The following CNTNAP5 variants were observed in gnomAD, a reference collection of about 807,000 sequenced individuals.
The protein encoded by CNTNAP5 is contactin-associated protein-like 5.
In CNTNAP5, 72 loss-of-function variants were observed where a neutral mutation model predicts 150.2. The observed-to-expected ratio is 0.48, with a 90% CI of 0.40 to 0.58. The LOEUF is 0.58. Among genes scored for constraint, CNTNAP5 ranks in the 20% least tolerant of loss-of-function variants. The pLI is 0.00. For synonymous variants in CNTNAP5, 672 were observed against 619.8 expected (o/e 1.08, Z -1.25); for missense variants, 1,636 against 1,626.2 (o/e 1.01, Z -0.10).
chr2:124,447,675 G>C (rs911287005), intron 6 of CNTNAP5, among the ~76,000 whole-genome samples: 3 of 152,086 alleles, frequency 2.0e-5, no homozygotes, highest in African/African-American at 4.8e-5. Flanking sequence ...GTTTAGAATA[G>C]AGAAATTTTA....
At chr2:124,560,127 T>A (rs1373748109) in intron 10 of CNTNAP5, among the ~76,000 whole-genome samples, 1 of 152,220 alleles carries the variant, frequency 6.6e-6, no homozygotes, top group Non-Finnish European at 1.5e-5. Flanking sequence ...ATATGTGTTC[T>A]AAGTGCCCAG....
intron 22 of CNTNAP5, among the ~76,000 whole-genome samples, chr2:124,906,291 T>G (rs930528611): frequency 2.6e-5 from 4 of 152,166 alleles, no homozygotes; most frequent in African/African-American, 9.7e-5. Context: ...ATATATATTT[T>G]GTTCAGATTT....
At chr2:124,200,230 C>A (rs1281547269) in intron 1 of CNTNAP5, among the ~76,000 whole-genome samples, 1 of 152,104 alleles carries the variant, frequency 6.6e-6, no homozygotes, top group Non-Finnish European at 1.5e-5. Flanking sequence ...CTCCTTTTAG[C>A]TTTCAATTTG....
chr2:124,098,722 T>G (rs1451213027), intron 1 of CNTNAP5, among the ~76,000 whole-genome samples: 1 of 150,888 alleles, frequency 6.6e-6, no homozygotes, highest in Non-Finnish European at 1.5e-5. Context: ...TGTCTGGCGT[T>G]GAGAAAAAAC....
intron 3 of CNTNAP5, among the ~76,000 whole-genome samples, chr2:124,290,176 A>G (rs780014): frequency 0.65 from 99,238 of 151,906 alleles, 32,796 homozygotes; most frequent in South Asian, 0.85. Context: ...TCTGAAGATG[A>G]ACTATTCACT....
chr2:124,131,384 C>G (rs1360971601), intron 1 of CNTNAP5, among the ~76,000 whole-genome samples: 1 of 152,160 alleles, frequency 6.6e-6, no homozygotes, highest in Non-Finnish European at 1.5e-5. Flanking sequence ...GTCCTGCCAA[C>G]AATCTTATAT....
intron 6 of CNTNAP5, among the ~76,000 whole-genome samples, chr2:124,458,225 T>G (rs1258893233): frequency 7.1e-6 from 1 of 140,304 alleles, no homozygotes; most frequent in Non-Finnish European, 1.5e-5. Context: ...ATATATATAA[T>G]AAATATATAT....
chr2:124,206,177 C>T (rs1211810750), intron 1 of CNTNAP5, among the ~76,000 whole-genome samples: 1 of 152,178 alleles, frequency 6.6e-6, no homozygotes, highest in Non-Finnish European at 1.5e-5. Context: ...TTGGGCAGAG[C>T]TAGTGCCAAT....
chr2:124,090,330 A>G (rs1682785557), intron 1 of CNTNAP5, among the ~76,000 whole-genome samples: 1 of 152,222 alleles, frequency 6.6e-6, no homozygotes, highest in Non-Finnish European at 1.5e-5. Flanking sequence ...TTTCTTTAAT[A>G]AAAATAGGAA....
At chr2:124,302,148 C>G (rs186556667) in intron 3 of CNTNAP5, among the ~76,000 whole-genome samples, 18 of 152,320 alleles carry the variant, frequency 1.2e-4, no homozygotes, top group Middle Eastern at 6.8e-3. Flanking sequence ...TCTGAGATTT[C>G]CAGTCTCCAG....
chr2:124,277,124 C>A (rs893368991), intron 3 of CNTNAP5, among the ~76,000 whole-genome samples: 7 of 152,242 alleles, frequency 4.6e-5, no homozygotes, highest in Non-Finnish European at 4.4e-5. Context: ...GAAACCCAAC[C>A]AAGAACAGGC....
At chr2:124,830,699 G>C (rs1292490729) in intron 19 of CNTNAP5, among the ~76,000 whole-genome samples, 5 of 151,874 alleles carry the variant, frequency 3.3e-5, no homozygotes, top group Non-Finnish European at 7.4e-5. Context: ...AGTTATACTT[G>C]AGAAAAAAAT....
intron 13 of CNTNAP5, among the ~76,000 whole-genome samples, chr2:124,728,865 T>A (rs942454770): frequency 5.3e-5 from 8 of 152,084 alleles, no homozygotes; most frequent in Non-Finnish European, 1.0e-4. Flanking sequence ...TAAACTCAAT[T>A]CTAATTTATA....
Position 124,359,515 on chromosome 2 carries a change from C to G in CNTNAP5, c.382-57928C>G, listed in dbSNP as rs1690135557. On this transcript the variant is annotated intron_variant, in intron 3 of 23. Transcript: ENST00000682447. ...TTCTGGTATGTTGTGTCTTTGTTCT[C>G]GTTGGTTTCAAAGAACATCTTTATT... Among the ~76,000 whole-genome samples the G allele has an allele frequency of 5.3e-5, 8 of 150,920 alleles. No homozygotes were observed. The South Asian group carries it at 1.7e-3, about 32-fold the overall frequency.
At chr2:124,805,960 T>C (rs931960550) in intron 19 of CNTNAP5, among the ~76,000 whole-genome samples, 9 of 152,190 alleles carry the variant, frequency 5.9e-5, no homozygotes, top group African/African-American at 1.9e-4. Context: ...TGAATTACTT[T>C]GTTAGAGGCC....
intron 7 of CNTNAP5, among the ~76,000 whole-genome samples, chr2:124,483,619 C>T (rs779768230): frequency 6.6e-6 from 1 of 152,322 alleles, no homozygotes; most frequent in Admixed American, 6.5e-5. Context: ...CCACCTTCTC[C>T]TCAGAGCCCC....
At chr2:124,583,202 A>G (rs1172868903) in intron 11 of CNTNAP5, among the ~76,000 whole-genome samples, 1 of 152,190 alleles carries the variant, frequency 6.6e-6, no homozygotes, top group Non-Finnish European at 1.5e-5. Context: ...TACAGGAGAC[A>G]TCTCTAGGGA....
chr2:124,710,116 G>T (rs1183557817), intron 13 of CNTNAP5, among the ~76,000 whole-genome samples: 4 of 151,510 alleles, frequency 2.6e-5, no homozygotes, highest in Non-Finnish European at 5.9e-5. Context: ...TTTATGCCGA[G>T]ATGATGGTGA....
chr2:124,624,179 A>C (rs1677672616), intron 12 of CNTNAP5, among the ~76,000 whole-genome samples: 1 of 152,238 alleles, frequency 6.6e-6, no homozygotes, highest in Admixed American at 6.5e-5. Flanking sequence ...CCATTAAATA[A>C]AACTACTAAG....
Sources: gnomAD v4.1 joint callset for allele counts (sites outside exome capture counted in the v4.1 genomes callset) on GRCh38, gnomAD v4.1.1 for gene constraint, MANE v1.5 for transcripts, NCBI Gene and HGNC (gene_info 2026-07-23, HGNC 2026-07-21) for gene names.